The following IL17RA variants were observed in gnomAD, a reference collection of about 807,000 sequenced individuals.
IL17RA encodes interleukin-17 receptor A.
A neutral mutation model predicts 50.4 loss-of-function variants in IL17RA; 34 were observed. The ratio of observed to expected loss-of-function variants is 0.67; its 90% CI spans 0.51 to 0.90. The LOEUF (loss-of-function observed/expected upper bound fraction) is 0.90, where lower values mean the gene tolerates loss of function less well. Ranked by LOEUF, IL17RA falls within the 40% of genes least tolerant of loss-of-function variation. IL17RA has a pLI of 0.00. For synonymous variants in IL17RA, 585 were observed against 510.4 expected (o/e 1.15, Z -1.97); for missense variants, 1,276 against 1,169.8 (o/e 1.09, Z -1.32).
In IL17RA at chr22:17,109,574, G is replaced by A. The variant is rs1221983852; in HGVS notation, c.2355G>A (p.Glu785=). The part of the protein sequence containing the change: ...LTDPHTPYEE[E]QRQSVQSDQG... The stretch of plus-strand genomic sequence containing the variant: ...ACCCACACACGCCCTACGAGGAGGA[G>A]CAGCGGCAGTCAGTGCAGTCTGACC... Residue 785 remains glutamate (E), a synonymous_variant, in exon 13 of 13, where the codon GAG becomes GAA. Coordinates refer to ENST00000319363, the MANE Select transcript of IL17RA (RefSeq NM_014339.7). The A allele has an allele frequency of 3.7e-6, 6 of 1,600,710 alleles. No individual in the cohort carries two copies. Among genetic ancestry groups the A allele is most frequent in the Non-Finnish European group, 5.1e-6 (6 of 1,173,746 alleles).
chr22:17,094,671 C>CTATATATATATATATATGTGTGTA, intron 1 of IL17RA, among the ~76,000 whole-genome samples: 1 of 40,764 alleles, frequency 2.5e-5, no homozygotes, highest in Non-Finnish European at 5.0e-5. Flanking sequence ...CTCTCTCTCT[C>CTATATATATATATATATGTGTGTA]TCTCTCTCTC....
Position 17,103,494 on chromosome 22 carries a change from C to T in IL17RA, c.763C>T (p.Pro255Ser), listed in dbSNP as rs375341860. Reference sequence around the variant, plus strand: ...TACCCATCCTCGCCTCTCTCCTCAGCCCAGACCAGAAGAGTTCCACCAGCG... The same window carrying T: ...TACCCATCCTCGCCTCTCTCCTCAGTCCAGACCAGAAGAGTTCCACCAGCG... ...CFEHMHHIPAPRPEEFHQRSN... is the reference protein window; with the variant it reads ...CFEHMHHIPASRPEEFHQRSN... Residue 255 changes from proline (P) to serine (S), a missense_variant and splice_region_variant, in exon 8 of 13, where the codon CCC becomes TCC. Physicochemically the swap from Pro to Ser is moderately conservative, Grantham distance 74. Coordinates refer to ENST00000319363, the MANE Select transcript of IL17RA (RefSeq NM_014339.7). The T allele has an allele frequency of 2.5e-5, 40 of 1,613,124 alleles. No homozygotes were observed. The highest frequency in any genetic ancestry group is 1.2e-4 in the South Asian group (11 of 90,936).
At chr22:17,105,053 C>T (rs953279941) in intron 9 of IL17RA, among the ~76,000 whole-genome samples, 4 of 152,202 alleles carry the variant, frequency 2.6e-5, no homozygotes, top group African/African-American at 9.7e-5. Flanking sequence ...TTTTGATTCT[C>T]AACTTCCTTG....
rs1032618930 is a variant in IL17RA, at chr22:17,113,938, G to C, written c.*4118G>C. 2 of 152,230 alleles carry C rather than the reference G, an allele frequency of 1.3e-5. No individual in the cohort carries two copies. Among genetic ancestry groups the C allele is most frequent in the Admixed American group, 1.3e-4 (2 of 15,282 alleles). 9.4% of individuals were successfully genotyped at this position (152,230 alleles called of 1,614,324 possible). A position where few individuals can be genotyped will look rare whatever the true frequency, so the allele number is the denominator to read the frequency against. On this transcript the variant is annotated 3_prime_UTR_variant, in exon 13 of 13. Coordinates refer to ENST00000319363, the MANE Select transcript of IL17RA (RefSeq NM_014339.7). ...ACCAGCCTGCTTCTGGGGCAGAGCA[G>C]TTTGTGCCCCCTGAGGTACCACTGA...
rs146240877 is a variant in IL17RA at position 17,092,590 on chromosome 22, C to A, written c.139-4472C>A. Among the ~76,000 whole-genome samples the A allele has an allele frequency of 3.0e-3, 456 of 152,098 alleles. 2 individuals carry two copies. The highest frequency in any genetic ancestry group is 0.011 in the African/African-American group (441 of 41,472). ...TTGCTTGGTGGTGGGAAGAAACCAC[C>A]CCCCGCCAATATGTAGTCACAGAAG... On this transcript the variant is annotated intron_variant, in intron 1 of 12. Transcript: ENST00000319363.
At position 17,104,709 on chromosome 22, in the gene IL17RA, G is replaced by T. The variant is rs371864908; in HGVS notation, c.847-17G>T. On this transcript the variant is annotated splice_polypyrimidine_tract_variant and intron_variant, in intron 8 of 12. Coordinates refer to ENST00000319363, the MANE Select transcript of IL17RA (RefSeq NM_014339.7). Reference sequence around the variant, plus strand: ...TCTACAGTTCTGGAGCCCTTTTCCTGCCCTCTCTGCCCGCAGATCCAGCCC... The same window carrying T: ...TCTACAGTTCTGGAGCCCTTTTCCTTCCCTCTCTGCCCGCAGATCCAGCCC... 6.2e-7 allele frequency: 1 copy of T among 1,613,036 alleles called. No homozygotes were observed. The highest frequency in any genetic ancestry group is 1.3e-5 in the African/African-American group (1 of 74,878).
intron 5 of IL17RA, 113 bp downstream of exon 5, chr22:17,100,594 GCA>G: frequency 7.3e-7 from 1 of 1,364,868 alleles, no homozygotes; most frequent in Non-Finnish European, 1.0e-6. Context: ...GGCATTGCCA[GCA>G]CCTGGGACCC....
chr22:17,087,098 G>T (rs916545507), intron 1 of IL17RA, among the ~76,000 whole-genome samples: 5 of 152,186 alleles, frequency 3.3e-5, no homozygotes, highest in African/African-American at 1.2e-4. Flanking sequence ...CTCACAGACA[G>T]CTCTTCTCCA....
chr22:17,108,533 G>A lies in IL17RA; in HGVS notation c.1314G>A (p.Glu438=). ...WVGRQKQEMV[E]SNSKIIVLCS... The stretch of plus-strand genomic sequence containing the variant: ...GCCGTCAGAAGCAGGAGATGGTGGA[G>A]AGCAACTCTAAGATCATCGTCCTGT... Residue 438 remains glutamate (E), a synonymous_variant, in exon 13 of 13, where the codon GAG becomes GAA. Transcript: ENST00000319363. 4 of 1,610,744 alleles carry A rather than the reference G, an allele frequency of 2.5e-6. No individual in the cohort carries two copies. The highest frequency in any genetic ancestry group is 1.3e-5 in the African/African-American group (1 of 75,054).
Position 17,097,201 on chromosome 22 carries a change from A to G in IL17RA, c.163+115A>G, listed in dbSNP as rs550049140. The G allele has an allele frequency of 8.3e-5, 81 of 981,288 alleles. 1 individual carries two copies. Among genetic ancestry groups the G allele is most frequent in the Middle Eastern group, 6.1e-4 (3 of 4,880 alleles). 60.8% of individuals were successfully genotyped at this position (981,288 alleles called of 1,614,324 possible). A position where few individuals can be genotyped will look rare whatever the true frequency, so the allele number is the denominator to read the frequency against. On this transcript the variant is annotated intron_variant, in intron 2 of 12. Transcript: ENST00000319363. Reference sequence around the variant, plus strand: ...ACTCCAGGTTCAGGCTGTGAGCTACAGCCATCCGCAGGAGGGTTCCCGGAG... The same window carrying G: ...ACTCCAGGTTCAGGCTGTGAGCTACGGCCATCCGCAGGAGGGTTCCCGGAG...
chr22:17,104,661 T>A (rs2061406430), intron 8 of IL17RA, 65 bp from the exon 9 acceptor site: 1 of 1,445,654 alleles, frequency 6.9e-7, no homozygotes, highest in Non-Finnish European at 9.7e-7. Flanking sequence ...ACATTGCCGC[T>A]GCTGGCTGGA....
At chr22:17,100,332 T>C in intron 4 of IL17RA, 23 bp from the exon 5 acceptor site, 1 of 1,613,928 alleles carries the variant, frequency 6.2e-7, no homozygotes, top group Non-Finnish European at 8.5e-7. Flanking sequence ...TCCATCCACC[T>C]TCCCTTCCTC....
intron 5 of IL17RA, 151 bp downstream of exon 5, chr22:17,100,632 G>A (rs965228023): frequency 1.0e-6 from 1 of 992,178 alleles, no homozygotes; most frequent in South Asian, 1.4e-5. Context: ...GCCAAGACTG[G>A]GAGTGCTTTG....
chr22:17,094,673 C>CTATATATATATATATGTGTATATATA lies in IL17RA; in HGVS notation c.139-2388_139-2387insATATATATATATATGTGTATATATAT, dbSNP rs1568917416. Among the ~76,000 whole-genome samples, 9 of 47,850 alleles carry CTATATATATATATATGTGTATATATA rather than the reference C, an allele frequency of 1.9e-4. 1 individual carries two copies. Among genetic ancestry groups the CTATATATATATATATGTGTATATATA allele is most frequent in the Non-Finnish European group, 2.8e-4 (7 of 24,726 alleles). The allele number at this position is 47,850 out of a possible 152,430, so 31.4% of individuals were successfully genotyped here. On this transcript the variant is annotated intron_variant, in intron 1 of 12. Coordinates refer to ENST00000319363, the MANE Select transcript of IL17RA (RefSeq NM_014339.7). ...ATACACACACTCTCTCTCTCTCTCT[C>CTATATATATATATATGTGTATATATA]TCTCTCTCTCTCTCTCTCTATATAT...
chr22:17,106,399 C>T (rs1187325275), intron 11 of IL17RA, among the ~76,000 whole-genome samples: 2 of 152,200 alleles, frequency 1.3e-5, no homozygotes, highest in African/African-American at 4.8e-5. Flanking sequence ...CCCAGCCCCA[C>T]CTCATTAGCC....
intron 4 of IL17RA, among the ~76,000 whole-genome samples, chr22:17,099,981 G>T (rs888877814): frequency 1.2e-4 from 18 of 152,204 alleles, no homozygotes; most frequent in African/African-American, 3.4e-4. Flanking sequence ...TACCTGCCTG[G>T]CGTGTGCCAG....
chr22:17,098,986 C>A, intron 4 of IL17RA, 99 bp downstream of exon 4: 1 of 967,330 alleles, frequency 1.0e-6, no homozygotes, highest in East Asian at 2.5e-5. Context: ...GGGGGAGACC[C>A]AGAGGTGCTG....
At chr22:17,106,207 A>G (rs1410285088) in intron 11 of IL17RA, among the ~76,000 whole-genome samples, 2 of 152,238 alleles carry the variant, frequency 1.3e-5, no homozygotes, top group African/African-American at 2.4e-5. Flanking sequence ...TAAAATCAAT[A>G]GTTTGGAAGG....
At position 17,094,691 on chromosome 22, in the gene IL17RA, C is replaced by CTATATATATATATATATA. The variant is rs1188416715; in HGVS notation, c.139-2361_139-2344dup. Among the ~76,000 whole-genome samples, 33 of 24,680 alleles carry CTATATATATATATATATA rather than the reference C, an allele frequency of 1.3e-3. 1 individual carries two copies. Among genetic ancestry groups the CTATATATATATATATATA allele is most frequent in the African/African-American group, 3.8e-3 (17 of 4,416 alleles). 16.2% of individuals were successfully genotyped at this position (24,680 alleles called of 152,430 possible). On this transcript the variant is annotated intron_variant, in intron 1 of 12. Transcript: ENST00000319363. Reference sequence around the variant, plus strand: ...TCTCTCTCTCTCTCTCTCTCTCTCTCTATATATATATATATATATATATAT... The same window carrying CTATATATATATATATATA: ...TCTCTCTCTCTCTCTCTCTCTCTCTCTATATATATATATATATATATATATATATATATATATATATAT...
Sources: allele counts gnomAD v4.1 joint callset (sites outside exome capture counted in the v4.1 genomes callset), GRCh38; gene constraint gnomAD v4.1.1; transcripts MANE v1.5; gene names NCBI Gene and HGNC (gene_info 2026-07-23, HGNC 2026-07-21).